PDZRN4: variants seen among roughly 807,000 people sequenced by gnomAD.
PDZRN4 encodes PDZ domain containing ring finger 4.
PDZRN4 carries 70 observed loss-of-function variants against 99.0 expected under a neutral mutation model. The observed-to-expected ratio is 0.71, with a 90% CI of 0.58 to 0.86. The LOEUF is 0.86. Ranked by LOEUF, PDZRN4 falls within the 40% of genes least tolerant of loss-of-function variation. PDZRN4 has a pLI of 0.00. For missense variants in PDZRN4, 1,474 were observed against 1,331.2 expected (o/e 1.11, Z -1.67); for synonymous variants, 551 against 501.6 (o/e 1.10, Z -1.32).
chr12:41,265,326 T>C (rs569989343), intron 3 of PDZRN4, among the ~76,000 whole-genome samples: 3 of 152,308 alleles, frequency 2.0e-5, no homozygotes, highest in South Asian at 4.1e-4. Flanking sequence ...ATTTCTAAGT[T>C]TGAAAATACA....
At chr12:41,367,598 A>C (rs1186265165) in intron 3 of PDZRN4, among the ~76,000 whole-genome samples, 1 of 152,206 alleles carries the variant, frequency 6.6e-6, no homozygotes, top group East Asian at 1.9e-4. Context: ...ATCGGTGCAC[A>C]TTCTTTCTTT....
At chr12:41,192,692 C>A (rs774684707) in intron 2 of PDZRN4, among the ~76,000 whole-genome samples, 12 of 152,040 alleles carry the variant, frequency 7.9e-5, no homozygotes, top group Non-Finnish European at 1.6e-4. Flanking sequence ...ACAGTTGAAA[C>A]AAGGGATGAT....
At chr12:41,226,934 T>G (rs191438994) in intron 3 of PDZRN4, among the ~76,000 whole-genome samples, 3 of 152,326 alleles carry the variant, frequency 2.0e-5, no homozygotes, top group Non-Finnish European at 4.4e-5. Flanking sequence ...TTGTACTTGC[T>G]GTTTTTATGA....
chr12:41,310,128 T>G (rs1951596906), intron 3 of PDZRN4, among the ~76,000 whole-genome samples: 1 of 152,092 alleles, frequency 6.6e-6, no homozygotes, highest in Non-Finnish European at 1.5e-5. Flanking sequence ...AAACAGAGTT[T>G]TGCCTTGTTA....
At chr12:41,434,494 C>CT (rs1387535754) in intron 3 of PDZRN4, among the ~76,000 whole-genome samples, 2 of 152,116 alleles carry the variant, frequency 1.3e-5, no homozygotes, top group African/African-American at 4.8e-5. Flanking sequence ...AATTATTAGT[C>CT]AGAATAATTC....
rs544244892 is a variant in PDZRN4, at chr12:41,406,414, C to T, written c.844-100042C>T. Among the ~76,000 whole-genome samples, 8 of 152,258 alleles carry T rather than the reference C, an allele frequency of 5.3e-5. No individual in the cohort carries two copies. The South Asian group carries it at 1.7e-3, about 32-fold the overall frequency. On this transcript the variant is annotated intron_variant, in intron 3 of 9. Transcript: ENST00000402685. Reference sequence around the variant, plus strand: ...AGGAGGATGGCTCCTTACGTCATTACCAAGCTACTGTGATGTCCTCAATTT... The same window carrying T: ...AGGAGGATGGCTCCTTACGTCATTATCAAGCTACTGTGATGTCCTCAATTT...
intron 3 of PDZRN4, among the ~76,000 whole-genome samples, chr12:41,196,271 G>T (rs565641027): frequency 6.6e-6 from 1 of 152,122 alleles, no homozygotes; most frequent in African/African-American, 2.4e-5. Flanking sequence ...ACTAGCTGCG[G>T]TATTATTATT....
chr12:41,367,073 G>C (rs562988680), intron 3 of PDZRN4, among the ~76,000 whole-genome samples: 1 of 152,156 alleles, frequency 6.6e-6, no homozygotes, highest in South Asian at 2.1e-4. Context: ...GAGATTACAA[G>C]AGGCAAAAAT....
In PDZRN4 at chr12:41,266,056, A is replaced by G. The variant is rs1382499648; in HGVS notation, c.843+71868A>G. ...GCCGGGCGCGGTGGCTCACGCCTGT[A>G]ATCCCAGCACTTTGGGAGGCCGAGG... On this transcript the variant is annotated intron_variant, in intron 3 of 9. Coordinates refer to ENST00000402685, the MANE Select transcript of PDZRN4 (RefSeq NM_001164595.2). Among the ~76,000 whole-genome samples, 7 of 11,654 alleles carry G rather than the reference A, an allele frequency of 6.0e-4. 3 individuals are homozygous for G. The highest frequency in any genetic ancestry group is 1.4e-3 in the African/African-American group (7 of 4,918). 7.6% of individuals were successfully genotyped at this position (11,654 alleles called of 152,430 possible). A position where few individuals can be genotyped will look rare whatever the true frequency, so the allele number is the denominator to read the frequency against.
intron 3 of PDZRN4, among the ~76,000 whole-genome samples, chr12:41,483,243 A>C (rs1937710634): frequency 6.6e-6 from 1 of 152,118 alleles, no homozygotes; most frequent in African/African-American, 2.4e-5. Context: ...TCCTTTTTTA[A>C]GGTTATCAAA....
chr12:41,216,870 C>G (rs1052129576), intron 3 of PDZRN4, among the ~76,000 whole-genome samples: 1 of 151,966 alleles, frequency 6.6e-6, no homozygotes, highest in Non-Finnish European at 1.5e-5. Flanking sequence ...ATTAATGTCC[C>G]TCTATTCTTC....
intron 3 of PDZRN4, among the ~76,000 whole-genome samples, chr12:41,237,554 C>T (rs199928434): frequency 6.6e-6 from 1 of 152,062 alleles, no homozygotes; most frequent in African/African-American, 2.4e-5. Flanking sequence ...TACCTATGTC[C>T]TGAATGGTAT....
intron 3 of PDZRN4, among the ~76,000 whole-genome samples, chr12:41,417,772 T>C (rs546795590): frequency 9.2e-5 from 14 of 152,306 alleles, no homozygotes; most frequent in African/African-American, 3.1e-4. Context: ...CAGAAGTGCA[T>C]GAGAATGTTG....
At position 41,506,678 on chromosome 12, in the gene PDZRN4, G is replaced by A. The variant is rs201788629; in HGVS notation, c.1066G>A (p.Val356Met). The change falls in exon 4 of 10, where the codon GTG becomes ATG. Residue 356 changes from valine (V) to methionine (M), a missense_variant. By Grantham distance (21) the Val-to-Met change is conservative. Transcript: ENST00000402685. ...CAAGCTTCGTCCACCTACCCCTCCA[G>A]TGCCAGACATCTGTCCATTCCTGCT... Reference protein sequence around the residue: ...LAKLRPPTPPVPDICPFLLSD... With the variant: ...LAKLRPPTPPMPDICPFLLSD... 4.3e-6 allele frequency: 7 copies of A among 1,613,602 alleles called. No individual in the cohort carries two copies. The East Asian group carries it at 1.3e-4, about 31-fold the overall frequency.
At chr12:41,433,072 G>C (rs11610969) in intron 3 of PDZRN4, among the ~76,000 whole-genome samples, 25,578 of 152,148 alleles carry the variant, frequency 0.17, 2,243 homozygotes, top group South Asian at 0.27. Context: ...GCTGATAAAA[G>C]ATATTTAGCT....
chr12:41,431,314 A>G (rs1161346002), intron 3 of PDZRN4, among the ~76,000 whole-genome samples: 1 of 152,204 alleles, frequency 6.6e-6, no homozygotes, highest in Non-Finnish European at 1.5e-5. Context: ...ATTGTATAGT[A>G]GGTGCTATTA....
At chr12:41,215,405 G>A (rs774020890) in intron 3 of PDZRN4, among the ~76,000 whole-genome samples, 3 of 152,018 alleles carry the variant, frequency 2.0e-5, no homozygotes, top group Non-Finnish European at 2.9e-5. Flanking sequence ...CTAAGGTCTA[G>A]ACTACTCAGA....
At chr12:41,261,568 C>A (rs1293373336) in intron 3 of PDZRN4, among the ~76,000 whole-genome samples, 1 of 152,222 alleles carries the variant, frequency 6.6e-6, no homozygotes, top group Non-Finnish European at 1.5e-5. Context: ...CGGCTCACTG[C>A]AAGCTCTGCC....
chr12:41,268,432 G>C (rs934786655), intron 3 of PDZRN4, among the ~76,000 whole-genome samples: 1 of 152,218 alleles, frequency 6.6e-6, no homozygotes, highest in Admixed American at 6.5e-5. Flanking sequence ...AGATGGCATA[G>C]TCTGCCTCCT....
Sources: gnomAD v4.1 joint callset for allele counts (sites outside exome capture counted in the v4.1 genomes callset) on GRCh38, gnomAD v4.1.1 for gene constraint, MANE v1.5 for transcripts, NCBI Gene and HGNC (gene_info 2026-07-23, HGNC 2026-07-21) for gene names.